Variants in ANO10 observed in about 807,000 individuals in gnomAD.
ANO10 encodes anoctamin 10, also known as anoctamin-10.
A neutral mutation model predicts 74.7 loss-of-function variants in ANO10; 77 were observed. The ratio of observed to expected loss-of-function variants is 1.03; its 90% CI spans 0.86 to 1.25. ANO10 has a LOEUF of 1.25. ANO10 is among the 50% of genes most tolerant of loss of function. The pLI is 0.00. For synonymous variants in ANO10, 279 were observed against 284.9 expected (o/e 0.98, Z 0.21); for missense variants, 721 against 778.1 (o/e 0.93, Z 0.87).
intron 4 of ANO10, among the ~76,000 whole-genome samples, chr3:43,588,001 T>C (rs1057407390): frequency 6.6e-6 from 1 of 152,174 alleles, no homozygotes; most frequent in African/African-American, 2.4e-5. Flanking sequence ...CCAATTTCCA[T>C]AGAACACTTA....
chr3:43,481,494 G>C (rs2076267288), intron 11 of ANO10, among the ~76,000 whole-genome samples: 1 of 152,224 alleles, frequency 6.6e-6, no homozygotes, highest in East Asian at 1.9e-4. Context: ...AACTAGTTCA[G>C]GCCATGATGG....
At chr3:43,404,028 T>G (rs1477471480) in intron 12 of ANO10, among the ~76,000 whole-genome samples, 1 of 152,130 alleles carries the variant, frequency 6.6e-6, no homozygotes, top group Non-Finnish European at 1.5e-5. Flanking sequence ...GTAGGTTATG[T>G]TATATGACAA....
At chr3:43,446,629 T>C (rs1267165472) in intron 11 of ANO10, among the ~76,000 whole-genome samples, 2 of 152,202 alleles carry the variant, frequency 1.3e-5, no homozygotes, top group Non-Finnish European at 2.9e-5. Context: ...ACTACTTCTT[T>C]GAGAAAGTCA....
At chr3:43,568,252 T>C (rs1428493554) in intron 7 of ANO10, among the ~76,000 whole-genome samples, 5 of 151,942 alleles carry the variant, frequency 3.3e-5, no homozygotes, top group African/African-American at 7.3e-5. Context: ...TTTAACACCC[T>C]ACTGTCAACA....
At chr3:43,453,713 GATT>G (rs1472871277) in intron 11 of ANO10, among the ~76,000 whole-genome samples, 1 of 152,178 alleles carries the variant, frequency 6.6e-6, no homozygotes, top group Admixed American at 6.5e-5. Flanking sequence ...GTGCTGAAAA[GATT>G]ATTCTTTCCT....
chr3:43,568,779 G>A (rs2080520529), intron 7 of ANO10, among the ~76,000 whole-genome samples: 1 of 143,438 alleles, frequency 7.0e-6, no homozygotes. Flanking sequence ...AAAAGAACTA[G>A]AAAAGCAAGA....
chr3:43,550,180 G>GA (rs1238959094), intron 10 of ANO10, among the ~76,000 whole-genome samples: 4 of 152,084 alleles, frequency 2.6e-5, no homozygotes, highest in Non-Finnish European at 4.4e-5. Context: ...GGCTGCCAGG[G>GA]AAAAATGTTT....
At chr3:43,421,034 C>A (rs917635211) in intron 12 of ANO10, among the ~76,000 whole-genome samples, 2 of 150,680 alleles carry the variant, frequency 1.3e-5, no homozygotes, top group South Asian at 2.1e-4. Flanking sequence ...ACCAGCCTGG[C>A]CAACATGGCG....
At chr3:43,560,651 G>C (rs945367255) in intron 9 of ANO10, among the ~76,000 whole-genome samples, 12 of 152,202 alleles carry the variant, frequency 7.9e-5, no homozygotes, top group African/African-American at 2.7e-4. Flanking sequence ...TGAACACATA[G>C]ATTTTATGAG....
chr3:43,640,748 T>A (rs1479356030), intron 1 of ANO10, among the ~76,000 whole-genome samples: 1 of 152,218 alleles, frequency 6.6e-6, no homozygotes, highest in Non-Finnish European at 1.5e-5. Context: ...TCTCAGAGTC[T>A]GAGGAACCTA....
intron 11 of ANO10, among the ~76,000 whole-genome samples, chr3:43,527,937 T>C (rs2078280174): frequency 1.3e-5 from 2 of 151,972 alleles, no homozygotes; most frequent in African/African-American, 2.4e-5. Flanking sequence ...GGAGGAAAGA[T>C]TTACGGAAGG....
At position 43,541,676 on chromosome 3, in the gene ANO10, T is replaced by C. The variant is rs6772433; in HGVS notation, c.1797+8044A>G. 9.5e-3 allele frequency among the ~76,000 whole-genome samples: 1,441 copies of C among 152,326 alleles called. 21 individuals are homozygous for C. The highest frequency in any genetic ancestry group is 0.032 in the African/African-American group (1,314 of 41,570). ...AATAAACGTTTAACAAGCAGTTACT[T>C]AATCACTTGAAAACAAAGAGTTAAA... On this transcript the variant is annotated intron_variant, in intron 11 of 12. Transcript: ENST00000292246.
chr3:43,559,293 CA>C (rs1011524415), intron 9 of ANO10, among the ~76,000 whole-genome samples: 5 of 152,118 alleles, frequency 3.3e-5, no homozygotes, highest in African/African-American at 7.2e-5. Flanking sequence ...TTCACTGAGC[CA>C]GGGGCAAAGC....
At chr3:43,630,992 C>T (rs558280552) in intron 1 of ANO10, among the ~76,000 whole-genome samples, 7 of 152,252 alleles carry the variant, frequency 4.6e-5, no homozygotes, top group African/African-American at 1.7e-4. Context: ...TTAGTAGAGC[C>T]CAGTTTCCTG....
chr3:43,476,681 C>A (rs2076078960), intron 11 of ANO10, among the ~76,000 whole-genome samples: 1 of 152,102 alleles, frequency 6.6e-6, no homozygotes, highest in Non-Finnish European at 1.5e-5. Flanking sequence ...TCCCTTACTT[C>A]ACCATCTTCC....
At chr3:43,501,208 C>T (rs1232534937) in intron 11 of ANO10, among the ~76,000 whole-genome samples, 2 of 152,094 alleles carry the variant, frequency 1.3e-5, no homozygotes, top group Non-Finnish European at 2.9e-5. Context: ...GGGGAGCCAG[C>T]TATGCAGTCA....
chr3:43,649,805 G>A (rs568997799), intron 1 of ANO10, among the ~76,000 whole-genome samples: 41 of 152,290 alleles, frequency 2.7e-4, no homozygotes, highest in East Asian at 9.7e-4. Flanking sequence ...CAGGACGTGC[G>A]ACAGGGGTGT....
At chr3:43,560,765 T>C (rs1480384532) in intron 9 of ANO10, among the ~76,000 whole-genome samples, 2 of 152,224 alleles carry the variant, frequency 1.3e-5, no homozygotes, top group African/African-American at 2.4e-5. Flanking sequence ...TTTATATTTA[T>C]ACAATAGCAC....
chr3:43,562,346 G>A (rs1490793901), intron 8 of ANO10, among the ~76,000 whole-genome samples: 1 of 151,464 alleles, frequency 6.6e-6, no homozygotes, highest in Non-Finnish European at 1.5e-5. Context: ...CAGCTACTCA[G>A]GAAGCTGAGG....
Sources: allele counts gnomAD v4.1 joint callset (sites outside exome capture counted in the v4.1 genomes callset), GRCh38; gene constraint gnomAD v4.1.1; transcripts MANE v1.5; gene names NCBI Gene and HGNC (gene_info 2026-07-23, HGNC 2026-07-21).